Variants in FNTB observed in about 807,000 individuals in gnomAD.
FNTB encodes farnesyltransferase, CAAX box, subunit beta.
A neutral mutation model predicts 59.4 loss-of-function variants in FNTB; 27 were observed. The ratio of observed to expected loss-of-function variants is 0.45; its 90% CI spans 0.34 to 0.63. The LOEUF (loss-of-function observed/expected upper bound fraction) is 0.63. FNTB is among the 20% of genes least tolerant of loss of function. The pLI is 0.02. For synonymous variants in FNTB, 230 were observed against 220.7 expected (o/e 1.04, Z -0.37); for missense variants, 449 against 559.6 (o/e 0.80, Z 1.99).
chr14:65,037,354 C>T (rs1289980307), intron 7 of FNTB, among the ~76,000 whole-genome samples: 11 of 138,782 alleles, frequency 7.9e-5, no homozygotes, highest in East Asian at 2.2e-4. Context: ...TCGCCTGCCT[C>T]GGCCTCCCAA....
rs558773743 is a variant in FNTB at position 64,991,293 on chromosome 14, A to G, written c.144+4196A>G. Among the ~76,000 whole-genome samples the G allele has an allele frequency of 6.6e-6, 1 of 152,234 alleles. No homozygotes were observed. Among genetic ancestry groups the G allele is most frequent in the African/African-American group, 2.4e-5 (1 of 41,514 alleles). On this transcript the variant is annotated intron_variant, in intron 1 of 11. Coordinates refer to ENST00000246166, the MANE Select transcript of FNTB (RefSeq NM_002028.4). The surrounding 1 kb of genome is among the most constrained non-coding windows in gnomAD (Gnocchi z 4.4). ...CCTGCCCTCAAAATTCTTTTATCTTAGAGAGATAAAAAAGAATATGCTGTA... is the reference window on the plus strand; with the variant it reads ...CCTGCCCTCAAAATTCTTTTATCTTGGAGAGATAAAAAAGAATATGCTGTA...
At chr14:65,042,935 T>G (rs1397974893) in intron 8 of FNTB, among the ~76,000 whole-genome samples, 1 of 152,220 alleles carries the variant, frequency 6.6e-6, no homozygotes. Context: ...CAGTGTTTTC[T>G]GTCTCTTTTA....
intron 4 of FNTB, among the ~76,000 whole-genome samples, chr14:65,018,166 A>G (rs1324460285): frequency 2.0e-5 from 3 of 151,412 alleles, no homozygotes; most frequent in Admixed American, 6.6e-5. Flanking sequence ...ACATAGTGAG[A>G]CTCCATTTCA....
At chr14:65,018,839 G>A (rs1392212809) in intron 4 of FNTB, among the ~76,000 whole-genome samples, 6 of 150,158 alleles carry the variant, frequency 4.0e-5, no homozygotes, top group Admixed American at 1.3e-4. Context: ...GGCCAGGCGC[G>A]GTGGCTCACA....
At position 65,028,314 on chromosome 14, in the gene FNTB, T is replaced by C. The variant is rs2062020611; in HGVS notation, c.605+533T>C. Among the ~76,000 whole-genome samples, 2 of 152,202 alleles carry C rather than the reference T, an allele frequency of 1.3e-5. No individual in the cohort carries two copies. Among genetic ancestry groups the C allele is most frequent in the African/African-American group, 4.8e-5 (2 of 41,448 alleles). On this transcript the variant is annotated intron_variant, in intron 6 of 11. Transcript: ENST00000246166. This position sits in a 1 kb window ranked among gnomAD's most constrained non-coding sequence, Gnocchi z 4.4. ...ATTGGTGCCAGTTAGCTCGAAATTA[T>C]TATTTTCTTCCATAAGTGTCTGATG...
chr14:65,004,352 C>T lies in FNTB; in HGVS notation c.209+39C>T, dbSNP rs1391565332. The T allele has an allele frequency of 3.8e-6, 6 of 1,591,352 alleles. No homozygotes were observed. The African/African-American group carries it at 8.1e-5, about 21-fold the overall frequency. On this transcript the variant is annotated intron_variant, in intron 2 of 11. Coordinates refer to ENST00000246166, the MANE Select transcript of FNTB (RefSeq NM_002028.4). ...AGGAGTTTGAGGGGATCTGGGAGAA[C>T]ACCACCATGCAGCAGCCTTTCTTCT...
intron 1 of FNTB, among the ~76,000 whole-genome samples, chr14:64,995,750 A>C (rs1888369532): frequency 6.7e-6 from 1 of 149,346 alleles, no homozygotes; most frequent in East Asian, 2.0e-4. Context: ...TGTGCATATA[A>C]GTGTATGTAT....
At chr14:65,039,517 T>C (rs2062295448) in intron 7 of FNTB, among the ~76,000 whole-genome samples, 1 of 152,214 alleles carries the variant, frequency 6.6e-6, no homozygotes, top group African/African-American at 2.4e-5. Context: ...CATTCCACTT[T>C]GTGGAGGTTC....
At chr14:65,052,362 CA>C in intron 9 of FNTB, among the ~76,000 whole-genome samples, 1 of 152,056 alleles carries the variant, frequency 6.6e-6, no homozygotes, top group South Asian at 2.1e-4. Flanking sequence ...TGCCATTTAC[CA>C]ATTGTTGGGC....
At chr14:64,995,838 A>G (rs1055594753) in intron 1 of FNTB, among the ~76,000 whole-genome samples, 1 of 151,796 alleles carries the variant, frequency 6.6e-6, no homozygotes, top group Non-Finnish European at 1.5e-5. Flanking sequence ...ACACAGAAAC[A>G]CCTAGCCTGG....
Position 65,054,979 on chromosome 14 carries a change from A to G in FNTB, c.1182+290A>G. Among the ~76,000 whole-genome samples the G allele has an allele frequency of 1.3e-5, 2 of 152,300 alleles. No homozygotes were observed. The highest frequency in any genetic ancestry group is 4.1e-4 in the South Asian group (2 of 4,822). On this transcript the variant is annotated intron_variant, in intron 11 of 11. Transcript: ENST00000246166. The surrounding 1 kb of genome is among the most constrained non-coding windows in gnomAD (Gnocchi z 4.4). Reference sequence around the variant, plus strand: ...TGCTGGTATTAGCTTCCCCTAGAGGAGGCCACAGTTACGTGTCACTCTGAG... The same window carrying G: ...TGCTGGTATTAGCTTCCCCTAGAGGGGGCCACAGTTACGTGTCACTCTGAG...
chr14:64,988,443 CTTTTTTTTTTTT>C lies in FNTB; in HGVS notation c.144+1356_144+1367del. On this transcript the variant is annotated intron_variant, in intron 1 of 11. Transcript: ENST00000246166. ...ATCTGACCTTAGACTATGGGATTGC[CTTTTTTTTTTTT>C]TTTTTTTTTGAGATGGGGTCTCGCC... Among the ~76,000 whole-genome samples the C allele has an allele frequency of 2.5e-5, 3 of 120,548 alleles. No homozygotes were observed. In the Middle Eastern group the frequency reaches 0.014, roughly 543 times the overall value. 79.1% of individuals were successfully genotyped at this position (120,548 alleles called of 152,430 possible). A position where few individuals can be genotyped will look rare whatever the true frequency, so the allele number is the denominator to read the frequency against.
At chr14:65,025,224 C>G (rs144125371) in intron 4 of FNTB, among the ~76,000 whole-genome samples, 5 of 152,284 alleles carry the variant, frequency 3.3e-5, no homozygotes, top group African/African-American at 1.2e-4. Flanking sequence ...CAGATCCTAA[C>G]TAATTCGAGG....
intron 1 of FNTB, among the ~76,000 whole-genome samples, chr14:64,999,055 G>A (rs1888506749): frequency 6.6e-6 from 1 of 152,236 alleles, no homozygotes; most frequent in African/African-American, 2.4e-5. Flanking sequence ...AAAACATTAT[G>A]TTTGTGAAAG....
chr14:65,040,557 T>C (rs1266904249), intron 7 of FNTB, among the ~76,000 whole-genome samples: 2 of 151,226 alleles, frequency 1.3e-5, no homozygotes, highest in Non-Finnish European at 2.9e-5. Context: ...CTTCTTGCCT[T>C]AGTCTCCTGA....
chr14:65,004,274 A>C lies in FNTB; in HGVS notation c.170A>C (p.Glu57Ala). Residue 57 changes from glutamate (E) to alanine (A), a missense_variant, in exon 2 of 12, where the codon GAG becomes GCG. By Grantham distance (107) the Glu-to-Ala change is moderately radical. Transcript: ENST00000246166. ...EQAKVEEKIQ[E>A]VFSSYKFNHL... The stretch of plus-strand genomic sequence containing the variant: ...GCAAAAGTAGAAGAAAAGATCCAAG[A>C]GGTCTTCAGTTCTTACAAGTTCAAC... 6.2e-7 allele frequency: 1 copy of C among 1,613,430 alleles called. No individual in the cohort carries two copies. The highest frequency in any genetic ancestry group is 1.6e-4 in the Middle Eastern group (1 of 6,062).
chr14:65,012,494 C>A lies in FNTB; in HGVS notation c.282+105C>A. The A allele has an allele frequency of 6.9e-7, 1 of 1,451,778 alleles. No homozygotes were observed. Among genetic ancestry groups the A allele is most frequent in the South Asian group, 1.2e-5 (1 of 82,102 alleles). 89.9% of individuals were successfully genotyped at this position (1,451,778 alleles called of 1,614,324 possible). A position where few individuals can be genotyped will look rare whatever the true frequency, so the allele number is the denominator to read the frequency against. On this transcript the variant is annotated intron_variant, in intron 3 of 11. Coordinates refer to ENST00000246166, the MANE Select transcript of FNTB (RefSeq NM_002028.4). The surrounding 1 kb of genome is among the most constrained non-coding windows in gnomAD (Gnocchi z 5.0). The stretch of plus-strand genomic sequence containing the variant: ...TGTTGGGGCTGACCTGTTGCAGAGT[C>A]ACTCTTTGTTCTCTGTGGCTCTGGC...
chr14:65,044,308 C>T lies in FNTB; in HGVS notation c.823-3C>T. The T allele has an allele frequency of 6.2e-7, 1 of 1,613,204 alleles. No homozygotes were observed. Among genetic ancestry groups the T allele is most frequent in the South Asian group, 1.1e-5 (1 of 90,756 alleles). On this transcript the variant is annotated splice_polypyrimidine_tract_variant and splice_region_variant and intron_variant, in intron 8 of 11. Coordinates refer to ENST00000246166, the MANE Select transcript of FNTB (RefSeq NM_002028.4). This position sits in a 1 kb window ranked among gnomAD's most constrained non-coding sequence, Gnocchi z 5.5. ...ACTGCCTTTCCCATCTGTGTCTCCT[C>T]AGCAATGGGTGACAAGCCGGCAGAT...
chr14:65,025,207 G>C (rs1002832794), intron 4 of FNTB, among the ~76,000 whole-genome samples: 3 of 152,174 alleles, frequency 2.0e-5, no homozygotes, highest in Non-Finnish European at 4.4e-5. Flanking sequence ...GGTGTGTCTG[G>C]TACATTCAGA....
Sources: gnomAD v4.1 joint callset for allele counts (sites outside exome capture counted in the v4.1 genomes callset) on GRCh38, gnomAD v4.1.1 for gene constraint, Gnocchi (gnomAD v3.1) non-coding constraint, MANE v1.5 for transcripts, NCBI Gene and HGNC (gene_info 2026-07-23, HGNC 2026-07-21) for gene names.